The following DSCAML1 variants were observed in gnomAD, a reference collection of about 807,000 sequenced individuals.
DSCAML1 encodes cell adhesion molecule DSCAML1.
In DSCAML1, 38 loss-of-function variants were observed where a neutral mutation model predicts 200.5. The observed-to-expected ratio is 0.19, with a 90% CI of 0.15 to 0.25. The LOEUF (loss-of-function observed/expected upper bound fraction) is 0.25. Among genes scored for constraint, DSCAML1 ranks in the 10% least tolerant of loss-of-function variants. The pLI is 1.00. For missense variants in DSCAML1, 2,223 were observed against 2,858.8 expected (o/e 0.78, Z 5.07); for synonymous variants, 1,215 against 1,165.0 (o/e 1.04, Z -0.87).
intron 11 of DSCAML1, among the ~76,000 whole-genome samples, chr11:117,492,965 C>T (rs2049216575): frequency 6.6e-6 from 1 of 152,234 alleles, no homozygotes; most frequent in Non-Finnish European, 1.5e-5. Flanking sequence ...TGCATGGAAG[C>T]AATCAGCTTC....
chr11:117,783,594 GTTATTA>G (rs113585003), intron 1 of DSCAML1, among the ~76,000 whole-genome samples: 2 of 152,142 alleles, frequency 1.3e-5, no homozygotes, highest in Admixed American at 6.5e-5. Flanking sequence ...CCTCGGGGGT[GTTATTA>G]TTATTATTTC....
rs2055227445 is a variant in DSCAML1, at chr11:117,780,300, G to GAAAGAAAGAAAGAAAGAA, written c.364+192_364+193insTTCTTTCTTTCTTTCTTT. ...AGAAAGAAAGAAAGAAAGAAAGAAA[G>GAAAGAAAGAAAGAAAGAA]AAAGAGAGAAAGGAGAAAGAAAGGT... On this transcript the variant is annotated intron_variant, in intron 2 of 32. Transcript: ENST00000651296. This position sits in a 1 kb window ranked among gnomAD's most constrained non-coding sequence, Gnocchi z 4.8. Among the ~76,000 whole-genome samples the GAAAGAAAGAAAGAAAGAA allele has an allele frequency of 1.8e-5, 2 of 111,956 alleles. No individual in the cohort carries two copies. The highest frequency in any genetic ancestry group is 6.1e-5 in the African/African-American group (2 of 32,968). 73.4% of individuals were successfully genotyped at this position (111,956 alleles called of 152,430 possible).
At chr11:117,586,906 G>A (rs145309111) in intron 3 of DSCAML1, among the ~76,000 whole-genome samples, 1 of 152,340 alleles carries the variant, frequency 6.6e-6, no homozygotes, top group Non-Finnish European at 1.5e-5. Context: ...CAGCGCTGAG[G>A]CCAAGTTGGC....
At position 117,430,377 on chromosome 11, in the gene DSCAML1, G is replaced by A. The variant is rs138365690; in HGVS notation, c.5686+345C>T. ...TCAGATTAAGGGGATGCTCACTACC[G>A]AATGAATGAGGCCTTACAACACGCT... On this transcript the variant is annotated intron_variant, in intron 32 of 32. Transcript: ENST00000651296. Among the ~76,000 whole-genome samples, 108 of 152,350 alleles carry A rather than the reference G, an allele frequency of 7.1e-4. 1 individual carries two copies. In the East Asian group the frequency reaches 0.019, roughly 27 times the overall value.
intron 11 of DSCAML1, among the ~76,000 whole-genome samples, chr11:117,484,103 C>G (rs10892124): frequency 0.27 from 40,451 of 148,274 alleles, 6,006 homozygotes; most frequent in Admixed American, 0.43. Context: ...TCTCCTCCTT[C>G]CTTCCGGGTA....
chr11:117,807,758 TTGGAAGAAG>T (rs1372078063), intron 1 of DSCAML1, among the ~76,000 whole-genome samples: 1 of 152,346 alleles, frequency 6.6e-6, no homozygotes, highest in African/African-American at 2.4e-5. Context: ...ACAGCTGGAC[TTGGAAGAAG>T]TGGAAGAAAA....
intron 15 of DSCAML1, 144 bp downstream of exon 15, chr11:117,471,725 T>A: frequency 1.4e-6 from 1 of 734,006 alleles, no homozygotes; most frequent in Non-Finnish European, 2.0e-6. Flanking sequence ...GATCCAGAGG[T>A]GGACACAAAC....
intron 1 of DSCAML1, among the ~76,000 whole-genome samples, chr11:117,803,045 GTGGGTC>G (rs2055675362): frequency 6.6e-6 from 1 of 152,006 alleles, no homozygotes; most frequent in Non-Finnish European, 1.5e-5. Context: ...TGGCTTCTCG[GTGGGTC>G]TGGTGAACAT....
intron 3 of DSCAML1, among the ~76,000 whole-genome samples, chr11:117,636,392 C>T (rs1453688740): frequency 2.0e-5 from 3 of 152,132 alleles, no homozygotes; most frequent in Non-Finnish European, 4.4e-5. Flanking sequence ...AACCCAACAC[C>T]TGGGACCCAG....
intron 3 of DSCAML1, among the ~76,000 whole-genome samples, chr11:117,539,606 CAAAAAAAAAAAAAAA>C (rs35130897): frequency 9.5e-5 from 5 of 52,612 alleles, no homozygotes; most frequent in South Asian, 6.4e-4. Flanking sequence ...AAAACTCTGT[CAAAAAAAAAAAAAAA>C]AAAAAAAAAG....
intron 1 of DSCAML1, among the ~76,000 whole-genome samples, chr11:117,791,976 A>G (rs1237440779): frequency 5.3e-5 from 8 of 152,254 alleles, no homozygotes; most frequent in African/African-American, 1.7e-4. Context: ...TCACATGGCC[A>G]GTAAGTGCAG....
chr11:117,710,415 A>G (rs2053826756), intron 3 of DSCAML1, among the ~76,000 whole-genome samples: 1 of 152,160 alleles, frequency 6.6e-6, no homozygotes, highest in African/African-American at 2.4e-5. Context: ...TCCTCCAGGC[A>G]TGGCATCCTG....
intron 3 of DSCAML1, among the ~76,000 whole-genome samples, chr11:117,719,023 C>T (rs1195893812): frequency 6.6e-6 from 1 of 152,156 alleles, no homozygotes; most frequent in Non-Finnish European, 1.5e-5. Flanking sequence ...TGATTTGGCC[C>T]ATGGGCTATA....
intron 1 of DSCAML1, among the ~76,000 whole-genome samples, chr11:117,784,808 C>G (rs1045242421): frequency 6.6e-6 from 1 of 152,200 alleles, no homozygotes; most frequent in Non-Finnish European, 1.5e-5. Flanking sequence ...ATTGCACCAT[C>G]TTAGCTGCCT....
chr11:117,450,056 C>T (rs959651387), intron 20 of DSCAML1, among the ~76,000 whole-genome samples: 1 of 152,206 alleles, frequency 6.6e-6, no homozygotes, highest in Admixed American at 6.5e-5. Context: ...AGGCCCTGGT[C>T]GAGAGACGCC....
At position 117,505,800 on chromosome 11, in the gene DSCAML1, A is replaced by G; in HGVS notation, c.1784-68T>C. ...CTCACCTGGCCGCCAACGCCGCCTCACCTGCCTTACCTGGGGCTCTGGGTT... is the reference window on the plus strand; with the variant it reads ...CTCACCTGGCCGCCAACGCCGCCTCGCCTGCCTTACCTGGGGCTCTGGGTT... On this transcript the variant is annotated intron_variant, in intron 8 of 32. Coordinates refer to ENST00000651296, the MANE Select transcript of DSCAML1 (RefSeq NM_020693.4). This position sits in a 1 kb window ranked among gnomAD's most constrained non-coding sequence, Gnocchi z 6.7. 6.5e-7 allele frequency: 1 copy of G among 1,526,900 alleles called. No homozygotes were observed. Among genetic ancestry groups the G allele is most frequent in the East Asian group, 2.3e-5 (1 of 43,052 alleles). 94.6% of individuals were successfully genotyped at this position (1,526,900 alleles called of 1,614,324 possible).
chr11:117,566,702 A>G (rs1300818017), intron 3 of DSCAML1, among the ~76,000 whole-genome samples: 3 of 150,650 alleles, frequency 2.0e-5, no homozygotes, highest in African/African-American at 7.4e-5. Context: ...AGCATTAGGT[A>G]TATCTCCCAA....
chr11:117,581,396 A>G (rs998965120), intron 3 of DSCAML1, among the ~76,000 whole-genome samples: 4 of 152,164 alleles, frequency 2.6e-5, no homozygotes, highest in African/African-American at 9.7e-5. Context: ...CCACCACCGC[A>G]ATCAAGATAC....
chr11:117,762,709 A>T (rs1368264776), intron 3 of DSCAML1, among the ~76,000 whole-genome samples: 2 of 152,054 alleles, frequency 1.3e-5, no homozygotes, highest in African/African-American at 4.8e-5. Flanking sequence ...CTAAAATTAC[A>T]AAAATTAGTC....
Sources: gnomAD v4.1 joint callset for allele counts (sites outside exome capture counted in the v4.1 genomes callset) on GRCh38, gnomAD v4.1.1 for gene constraint, Gnocchi (gnomAD v3.1) non-coding constraint, MANE v1.5 for transcripts, NCBI Gene and HGNC (gene_info 2026-07-23, HGNC 2026-07-21) for gene names.